PTPRG: variants seen among roughly 807,000 people sequenced by gnomAD.
The protein encoded by PTPRG is receptor-type tyrosine-protein phosphatase gamma.
PTPRG carries 102 observed loss-of-function variants against 165.3 expected under a neutral mutation model. That is an observed-to-expected ratio of 0.62 (90% CI 0.53 to 0.73). The LOEUF (loss-of-function observed/expected upper bound fraction) is 0.73. Among genes scored for constraint, PTPRG ranks in the 30% least tolerant of loss-of-function variants. PTPRG has a pLI of 0.00. For synonymous variants in PTPRG, 675 were observed against 669.5 expected, an observed-to-expected ratio of 1.01 and a Z score of -0.13; for missense variants, 1,866 against 1,861.4, an observed-to-expected ratio of 1.00 and a Z score of -0.05.
At chr3:61,798,680 G>T in intron 2 of PTPRG, among the ~76,000 whole-genome samples, 1 of 138,102 alleles carries the variant, frequency 7.2e-6, no homozygotes, top group Non-Finnish European at 1.5e-5. Context: ...TTTTACCTTT[G>T]GAAGGGACCC....
chr3:61,759,981 C>G (rs1484961776), intron 2 of PTPRG, among the ~76,000 whole-genome samples: 2 of 151,996 alleles, frequency 1.3e-5, no homozygotes, highest in East Asian at 3.9e-4. Context: ...TCATGTCTGG[C>G]AAGCCATGTT....
Position 61,887,975 on chromosome 3 carries a change from C to T in PTPRG, c.191-101650C>T, listed in dbSNP as rs182456389. On this transcript the variant is annotated intron_variant, in intron 2 of 29. Coordinates refer to ENST00000474889, the MANE Select transcript of PTPRG (RefSeq NM_002841.4). ...ATACCAAAATGGATTAAAGTAAGTC[C>T]AAGTAAAAAAACCAAAAAACAACAA... Among the ~76,000 whole-genome samples, 236 of 152,010 alleles carry T rather than the reference C, an allele frequency of 1.6e-3. 5 individuals are homozygous for T. In the East Asian group the frequency reaches 0.04, roughly 26 times the overall value.
intron 6 of PTPRG, among the ~76,000 whole-genome samples, chr3:62,154,172 C>T (rs1440816841): frequency 6.6e-6 from 1 of 152,180 alleles, no homozygotes; most frequent in Non-Finnish European, 1.5e-5. Context: ...GGGTCTTGAG[C>T]AAGATTTTGT....
At chr3:62,212,169 G>A (rs1700374386) in intron 12 of PTPRG, among the ~76,000 whole-genome samples, 1 of 152,070 alleles carries the variant, frequency 6.6e-6, no homozygotes. Flanking sequence ...CATTTCAGGA[G>A]CAGGCTCATT....
At chr3:61,711,077 C>T (rs2031527212) in intron 1 of PTPRG, among the ~76,000 whole-genome samples, 2 of 152,114 alleles carry the variant, frequency 1.3e-5, no homozygotes, top group African/African-American at 4.8e-5. Flanking sequence ...CAGCTTTATC[C>T]ATGTCCCTGC....
intron 4 of PTPRG, among the ~76,000 whole-genome samples, chr3:62,040,094 C>T (rs536494452): frequency 2.0e-5 from 3 of 152,330 alleles, no homozygotes; most frequent in South Asian, 4.1e-4. Flanking sequence ...TTTATAGCTG[C>T]GTCCTGCATC....
intron 2 of PTPRG, among the ~76,000 whole-genome samples, chr3:61,816,124 G>C (rs1368508746): frequency 1.3e-5 from 2 of 152,142 alleles, no homozygotes; most frequent in Non-Finnish European, 2.9e-5. Flanking sequence ...TTTACCTGGT[G>C]AGGAAATTGA....
chr3:61,752,794 A>AAAAAAAAAAAG (rs1223985797), intron 2 of PTPRG, among the ~76,000 whole-genome samples: 1 of 105,966 alleles, frequency 9.4e-6, no homozygotes, highest in Non-Finnish European at 2.0e-5. Flanking sequence ...TCAAAAAAAA[A>AAAAAAAAAAAG]AAAAAAAGAA....
chr3:61,790,088 C>G (rs2034824615), intron 2 of PTPRG, among the ~76,000 whole-genome samples: 1 of 152,154 alleles, frequency 6.6e-6, no homozygotes, highest in Non-Finnish European at 1.5e-5. Flanking sequence ...CAGGCTGTAC[C>G]TAGCTCAGTG....
chr3:62,095,691 G>A (rs955626325), intron 5 of PTPRG, among the ~76,000 whole-genome samples: 2 of 152,122 alleles, frequency 1.3e-5, no homozygotes, highest in Non-Finnish European at 2.9e-5. Flanking sequence ...ACATGTGTGA[G>A]GTCTAGTGAG....
rs1700052092 is a variant in PTPRG, at chr3:61,571,405, C to G, written c.85+9033C>G. 2.0e-5 allele frequency among the ~76,000 whole-genome samples: 3 copies of G among 152,238 alleles called. No homozygotes were observed. The Middle Eastern group carries it at 0.01, about 518-fold the overall frequency. ...TGCACAGGAGGGCCAATTGAAAGAT[C>G]TAGCTTTTTATGTATTTCACCCTGT... On this transcript the variant is annotated intron_variant, in intron 1 of 29. Coordinates refer to ENST00000474889, the MANE Select transcript of PTPRG (RefSeq NM_002841.4).
chr3:62,270,644 G>A (rs1030987185), intron 20 of PTPRG, among the ~76,000 whole-genome samples: 3 of 152,066 alleles, frequency 2.0e-5, no homozygotes, highest in African/African-American at 7.2e-5. Context: ...AAGCCATCAT[G>A]GGCCTTTGTA....
At position 62,048,256 on chromosome 3, in the gene PTPRG, A is replaced by G. The variant is rs988146555; in HGVS notation, c.520-29907A>G. Among the ~76,000 whole-genome samples the G allele has an allele frequency of 3.9e-5, 6 of 152,320 alleles. No individual in the cohort carries two copies. In the South Asian group the frequency reaches 8.3e-4, roughly 21 times the overall value. ...CTAGAATTAGAGAAAATATATCCAC[A>G]TGAGGCAGTGTCTACACAAGCCAAA... On this transcript the variant is annotated intron_variant, in intron 4 of 29. Transcript: ENST00000474889.
intron 3 of PTPRG, among the ~76,000 whole-genome samples, chr3:61,990,899 CT>C (rs10662494): frequency 3.4e-3 from 480 of 139,142 alleles, no homozygotes; most frequent in Admixed American, 6.2e-3. Context: ...ACAAAGTTGC[CT>C]TTTTTTTTTT....
intron 1 of PTPRG, among the ~76,000 whole-genome samples, chr3:61,677,315 A>C (rs972156572): frequency 2.0e-5 from 3 of 151,406 alleles, no homozygotes; most frequent in African/African-American, 7.3e-5. Context: ...GTGCTGTGTT[A>C]TACCTGGCAC....
At chr3:62,262,662 A>C (rs1320648950) in intron 16 of PTPRG, 136 bp from the exon 17 acceptor site, 1 of 494,358 alleles carries the variant, frequency 2.0e-6, no homozygotes, top group Non-Finnish European at 3.6e-6. Flanking sequence ...TATATCAATA[A>C]TTATATCCGA....
intron 1 of PTPRG, among the ~76,000 whole-genome samples, chr3:61,673,032 G>T (rs1474601938): frequency 6.6e-6 from 1 of 152,032 alleles, no homozygotes; most frequent in Non-Finnish European, 1.5e-5. Flanking sequence ...GGTGGTGCGT[G>T]CCCGTAGTCC....
At chr3:61,708,278 G>A (rs1314655066) in intron 1 of PTPRG, among the ~76,000 whole-genome samples, 1 of 151,930 alleles carries the variant, frequency 6.6e-6, no homozygotes, top group Non-Finnish European at 1.5e-5. Flanking sequence ...CTGTACTAGT[G>A]AAGAGGGCAT....
intron 1 of PTPRG, among the ~76,000 whole-genome samples, chr3:61,628,143 G>A (rs1701663506): frequency 6.6e-6 from 1 of 152,104 alleles, no homozygotes; most frequent in African/African-American, 2.4e-5. Context: ...TTGGAGTGCC[G>A]ACTGTGGATT....
Sources: allele counts gnomAD v4.1 joint callset (sites outside exome capture counted in the v4.1 genomes callset), GRCh38; gene constraint gnomAD v4.1.1; transcripts MANE v1.5; gene names NCBI Gene and HGNC (gene_info 2026-07-23, HGNC 2026-07-21).